Variants in MARCHF11 observed in about 807,000 individuals in gnomAD.
MARCHF11 encodes the protein membrane associated ring-CH-type finger 11.
Under a neutral mutation model 37.3 loss-of-function variants are expected in MARCHF11, and 29 were observed. That is an observed-to-expected ratio of 0.78 (90% CI 0.58 to 1.06). The LOEUF (loss-of-function observed/expected upper bound fraction) is 1.06. Ranked by LOEUF, MARCHF11 falls within the 50% of genes least tolerant of loss-of-function variation. The pLI, the probability that MARCHF11 is intolerant of heterozygous loss-of-function variation, is 0.00. For missense variants in MARCHF11, 482 were observed against 533.4 expected (o/e 0.90, Z 0.95); for synonymous variants, 233 against 228.0 (o/e 1.02, Z -0.20).
intron 3 of MARCHF11, 22 bp downstream of exon 3, chr5:16,090,867 A>T (rs755947370): frequency 1.4e-6 from 2 of 1,470,428 alleles, no homozygotes; most frequent in Admixed American, 4.3e-5. Context: ...CAGTGTGTTA[A>T]CGTTGAAGGT....
At chr5:16,092,491 G>A (rs908378709) in intron 2 of MARCHF11, among the ~76,000 whole-genome samples, 8 of 152,138 alleles carry the variant, frequency 5.3e-5, no homozygotes, top group East Asian at 1.9e-4. Context: ...TTACAATTCC[G>A]AATGAATAAT....
At chr5:16,130,115 G>C (rs887763932) in intron 2 of MARCHF11, among the ~76,000 whole-genome samples, 2 of 151,922 alleles carry the variant, frequency 1.3e-5, no homozygotes, top group African/African-American at 2.4e-5. Context: ...AACTTCGTTG[G>C]GTAAATACAG....
rs1355438401 is a variant in MARCHF11, at chr5:16,127,811, T to C, written c.694-36730A>G. 2.6e-5 allele frequency among the ~76,000 whole-genome samples: 4 copies of C among 152,154 alleles called. No individual in the cohort carries two copies. The East Asian group carries it at 5.8e-4, about 22-fold the overall frequency. ...ACCTCGTCTGTCTTTCTCTGCTTTGTTCTCAATCACAGGATCTGCCCGCCC... is the reference window on the plus strand; with the variant it reads ...ACCTCGTCTGTCTTTCTCTGCTTTGCTCTCAATCACAGGATCTGCCCGCCC... On this transcript the variant is annotated intron_variant, in intron 2 of 3. Coordinates refer to ENST00000332432, the MANE Select transcript of MARCHF11 (RefSeq NM_001102562.3).
intron 2 of MARCHF11, among the ~76,000 whole-genome samples, chr5:16,096,847 A>G (rs1214571385): frequency 1.3e-5 from 2 of 152,188 alleles, no homozygotes; most frequent in African/African-American, 4.8e-5. Context: ...TGAAAGAGTT[A>G]ATAAACCTTC....
At chr5:16,127,678 G>A (rs1737434252) in intron 2 of MARCHF11, among the ~76,000 whole-genome samples, 1 of 152,190 alleles carries the variant, frequency 6.6e-6, no homozygotes, top group Non-Finnish European at 1.5e-5. Flanking sequence ...TGAGGCATCT[G>A]CTTTGAAGAT....
chr5:16,091,491 A>C (rs1736790773), intron 2 of MARCHF11, among the ~76,000 whole-genome samples: 1 of 152,226 alleles, frequency 6.6e-6, no homozygotes, highest in African/African-American at 2.4e-5. Flanking sequence ...TACTGCAAAA[A>C]GAGGGAACTG....
At chr5:16,089,208 G>A (rs548614111) in intron 3 of MARCHF11, among the ~76,000 whole-genome samples, 1 of 152,128 alleles carries the variant, frequency 6.6e-6, no homozygotes, top group South Asian at 2.1e-4. Context: ...TGGATTGGGA[G>A]CTAACTGGCT....
At chr5:16,124,132 T>C (rs1737360551) in intron 2 of MARCHF11, among the ~76,000 whole-genome samples, 1 of 152,154 alleles carries the variant, frequency 6.6e-6, no homozygotes, top group South Asian at 2.1e-4. Flanking sequence ...TAAGAGCTTC[T>C]GAGCATGGAA....
rs1280547765 is a variant in MARCHF11, at chr5:16,166,638, A to T, written c.693+11088T>A. On this transcript the variant is annotated intron_variant, in intron 2 of 3. Transcript: ENST00000332432. ...TAGATATGTAAATTTCTATACGATT[A>T]AATGTATTTCTATATGTAATCATTT... Among the ~76,000 whole-genome samples the T allele has an allele frequency of 2.6e-5, 4 of 152,156 alleles. No individual in the cohort carries two copies. The East Asian group carries it at 5.8e-4, about 22-fold the overall frequency.
At chr5:16,163,041 A>T (rs1227458521) in intron 2 of MARCHF11, among the ~76,000 whole-genome samples, 2 of 151,984 alleles carry the variant, frequency 1.3e-5, no homozygotes, top group Non-Finnish European at 1.5e-5. Flanking sequence ...TATTACACTG[A>T]TCCTCATACT....
intron 2 of MARCHF11, among the ~76,000 whole-genome samples, chr5:16,137,684 G>C (rs941552857): frequency 1.1e-4 from 17 of 152,190 alleles, no homozygotes; most frequent in Non-Finnish European, 2.4e-4. Context: ...ACTTTCTAGA[G>C]ACTTATTGAA....
At chr5:16,176,151 C>T (rs1738349783) in intron 2 of MARCHF11, among the ~76,000 whole-genome samples, 1 of 151,026 alleles carries the variant, frequency 6.6e-6, no homozygotes, top group African/African-American at 2.4e-5. Flanking sequence ...CCATCAAGTA[C>T]TTATCTCTAT....
At chr5:16,070,876 C>A (rs2126542788) in intron 3 of MARCHF11, among the ~76,000 whole-genome samples, 1 of 152,308 alleles carries the variant, frequency 6.6e-6, no homozygotes, top group South Asian at 2.1e-4. Context: ...TTGGCCTCTG[C>A]AAGCTCAGAT....
intron 3 of MARCHF11, among the ~76,000 whole-genome samples, chr5:16,085,246 G>A (rs1387997037): frequency 6.6e-6 from 1 of 151,902 alleles, no homozygotes; most frequent in Admixed American, 6.6e-5. Context: ...AAAGTGTGCT[G>A]AAGAAGGCAG....
intron 2 of MARCHF11, among the ~76,000 whole-genome samples, chr5:16,175,630 A>T (rs1738342781): frequency 6.6e-6 from 1 of 152,240 alleles, no homozygotes; most frequent in Non-Finnish European, 1.5e-5. Context: ...ATCCATATAT[A>T]CAAAGCATTT....
rs1450456486 is a variant in MARCHF11 at position 16,177,736 on chromosome 5, T to G, written c.683A>C (p.Gln228Pro). The G allele has an allele frequency of 5.0e-6, 8 of 1,601,830 alleles. No homozygotes were observed. The highest frequency in any genetic ancestry group is 6.8e-6 in the Non-Finnish European group (8 of 1,175,836). Residue 228 changes from glutamine to proline, a missense_variant, in exon 2 of 4, where the codon CAA becomes CCA. By Grantham distance (76) the Gln-to-Pro change is moderately conservative. Coordinates refer to ENST00000332432, the MANE Select transcript of MARCHF11 (RefSeq NM_001102562.3). ...GTTGAAACTGCTTACCTGGCAAGGT[T>G]GTTTCATTTTAATGGCTATAACATG... ...RYHVIAIKMK[Q>P]PCQWQSISIT...
In MARCHF11 at chr5:16,177,788, T is replaced by C; in HGVS notation, c.631A>G (p.Thr211Ala). The C allele has an allele frequency of 5.0e-6, 8 of 1,613,916 alleles. No individual in the cohort carries two copies. The highest frequency in any genetic ancestry group is 6.8e-6 in the Non-Finnish European group (8 of 1,179,866). The stretch of plus-strand genomic sequence containing the variant: ...TATCTATAACAGCAAAGTTCACAGG[T>C]CCAGGAACCTCTCTCACTGATCCAT... ...LKWISERGSW[T>A]CELCCYRYHV... The change falls in exon 2 of 4, where the codon ACC becomes GCC. Residue 211 changes from threonine to alanine, a missense_variant. Physicochemically the swap from Thr to Ala is moderately conservative, Grantham distance 58 (BLOSUM62 0). Transcript: ENST00000332432.
At chr5:16,154,836 A>G (rs62350175) in intron 2 of MARCHF11, among the ~76,000 whole-genome samples, 5,839 of 151,998 alleles carry the variant, frequency 0.038, 156 homozygotes, top group South Asian at 0.063. Flanking sequence ...AAAAATTCAT[A>G]ATTTCTGTAT....
intron 2 of MARCHF11, among the ~76,000 whole-genome samples, chr5:16,132,149 C>T (rs1737528040): frequency 6.6e-6 from 1 of 152,190 alleles, no homozygotes; most frequent in South Asian, 2.1e-4. Flanking sequence ...AGACTATAAA[C>T]AGGTTTACTG....
Sources: gnomAD v4.1 joint callset for allele counts (sites outside exome capture counted in the v4.1 genomes callset) on GRCh38, gnomAD v4.1.1 for gene constraint, MANE v1.5 for transcripts, NCBI Gene and HGNC (gene_info 2026-07-23, HGNC 2026-07-21) for gene names.